HERC1: variants seen among roughly 807,000 people sequenced by gnomAD.
HERC1 encodes probable E3 ubiquitin-protein ligase HERC1.
Under a neutral mutation model 554.3 loss-of-function variants are expected in HERC1, and 160 were observed. That is an observed-to-expected ratio of 0.29 (90% CI 0.25 to 0.33). The LOEUF is 0.33. Among genes scored for constraint, HERC1 ranks in the 10% least tolerant of loss-of-function variants. The pLI is 1.00. For synonymous variants in HERC1, 2,175 were observed against 2,131.7 expected, an observed-to-expected ratio of 1.02 and a Z score of -0.56; for missense variants, 4,919 against 5,918.5, an observed-to-expected ratio of 0.83 and a Z score of 5.54.
intron 14 of HERC1, among the ~76,000 whole-genome samples, chr15:63,732,145 T>C (rs2074323214): frequency 1.3e-5 from 2 of 152,074 alleles, no homozygotes; most frequent in Non-Finnish European, 2.9e-5. Flanking sequence ...GGACTATAGA[T>C]GCCAGCCGCC....
intron 2 of HERC1, among the ~76,000 whole-genome samples, chr15:63,769,359 G>A (rs2075880823): frequency 6.6e-6 from 1 of 152,276 alleles, no homozygotes; most frequent in Admixed American, 6.5e-5. Context: ...GGCGGGAGCT[G>A]CAGTGAGACG....
chr15:63,725,727 G>A lies in HERC1; in HGVS notation c.3347-214C>T, dbSNP rs571054552. On this transcript the variant is annotated intron_variant, in intron 17 of 77. Coordinates refer to ENST00000443617, the MANE Select transcript of HERC1 (RefSeq NM_003922.4). ...TATGCTATCAAATAAAATTTTCCTTGGAAAAGTTACTAATTTTAAGATAAA... is the reference window on the plus strand; with the variant it reads ...TATGCTATCAAATAAAATTTTCCTTAGAAAAGTTACTAATTTTAAGATAAA... Among the ~76,000 whole-genome samples the A allele has an allele frequency of 7.2e-5, 11 of 152,010 alleles. No individual in the cohort carries two copies. The South Asian group carries it at 1.5e-3, about 20-fold the overall frequency.
At position 63,756,899 on chromosome 15, in the gene HERC1, G is replaced by T. The variant is rs1376423764; in HGVS notation, c.1222-151C>A. Among the ~76,000 whole-genome samples, 1 of 152,202 alleles carries T rather than the reference G, an allele frequency of 6.6e-6. No individual in the cohort carries two copies. The highest frequency in any genetic ancestry group is 2.4e-5 in the African/African-American group (1 of 41,448). ...GATTAAGGAATATACAGAAATCTAA[G>T]AGAACACGAATGGCCTTTTCATGCT... On this transcript the variant is annotated intron_variant, in intron 4 of 77. Coordinates refer to ENST00000443617, the MANE Select transcript of HERC1 (RefSeq NM_003922.4). The surrounding 1 kb of genome is among the most constrained non-coding windows in gnomAD (Gnocchi z 5.0).
intron 42 of HERC1, 116 bp from the exon 43 acceptor site, chr15:63,664,710 A>G (rs1360460835): frequency 1.7e-5 from 15 of 897,866 alleles, no homozygotes; most frequent in Non-Finnish European, 2.1e-5. Flanking sequence ...AAATATGTTT[A>G]TGATAAAATT....
At chr15:63,795,078 A>AG (rs2076772245) in intron 1 of HERC1, among the ~76,000 whole-genome samples, 1 of 151,132 alleles carries the variant, frequency 6.6e-6, no homozygotes, top group East Asian at 1.9e-4. Context: ...AAAAAAAAAA[A>AG]AAAAAAAAAG....
At chr15:63,759,817 T>C (rs7167066) in intron 3 of HERC1, among the ~76,000 whole-genome samples, 34,444 of 152,194 alleles carry the variant, frequency 0.23, 4,862 homozygotes, top group Middle Eastern at 0.35. Context: ...TGGGAGAGGA[T>C]AGGGTCATCT....
intron 25 of HERC1, among the ~76,000 whole-genome samples, chr15:63,702,172 G>C (rs967350087): frequency 6.6e-6 from 1 of 151,958 alleles, no homozygotes; most frequent in South Asian, 2.1e-4. Flanking sequence ...TCTTTTTTCT[G>C]GGGCTCAACT....
intron 25 of HERC1, among the ~76,000 whole-genome samples, chr15:63,704,334 T>C (rs1012027005): frequency 1.2e-4 from 19 of 152,238 alleles, no homozygotes; most frequent in Non-Finnish European, 2.4e-4. Flanking sequence ...AAAGATATTA[T>C]TTTGTACATG....
At chr15:63,655,977 C>G (rs1192831083) in intron 49 of HERC1, 22 bp from the exon 50 acceptor site, 3 of 1,600,446 alleles carry the variant, frequency 1.9e-6, no homozygotes, top group East Asian at 2.2e-5. Flanking sequence ...ATTGGAAAAA[C>G]AGACTTAATT....
Position 63,661,042 on chromosome 15 carries a change from G to T in HERC1, c.9171-17C>A, listed in dbSNP as rs761736129. ...CCCTTGTACCTGCACCAAACATGAA[G>T]AACATTGCATTTTTATATAAAACAG... On this transcript the variant is annotated splice_polypyrimidine_tract_variant and intron_variant, in intron 45 of 77. Coordinates refer to ENST00000443617, the MANE Select transcript of HERC1 (RefSeq NM_003922.4). The T allele has an allele frequency of 1.9e-6, 3 of 1,599,848 alleles. No homozygotes were observed. The highest frequency in any genetic ancestry group is 2.2e-5 in the South Asian group (2 of 90,584).
chr15:63,623,601 A>T (rs2068178905), intron 73 of HERC1, 124 bp downstream of exon 73: 1 of 919,384 alleles, frequency 1.1e-6, no homozygotes, highest in Non-Finnish European at 1.7e-6. Flanking sequence ...ATCACTTTAT[A>T]TGAGGCTCAC....
intron 25 of HERC1, among the ~76,000 whole-genome samples, chr15:63,704,980 C>T (rs565547731): frequency 3.3e-5 from 5 of 152,016 alleles, no homozygotes; most frequent in Admixed American, 2.0e-4. Context: ...CCTCGTGATC[C>T]GCCCACCTCA....
At chr15:63,833,528 G>A (rs1276933599) in intron 1 of HERC1, among the ~76,000 whole-genome samples, 1 of 151,990 alleles carries the variant, frequency 6.6e-6, no homozygotes, top group Non-Finnish European at 1.5e-5. Flanking sequence ...CTGGAGGGGC[G>A]GGTCTCTCGG....
intron 1 of HERC1, among the ~76,000 whole-genome samples, chr15:63,798,401 T>C (rs1314199979): frequency 1.3e-5 from 2 of 152,192 alleles, no homozygotes; most frequent in Admixed American, 1.3e-4. Flanking sequence ...AATTTTCTTC[T>C]ACCCTCTCCC....
chr15:63,760,110 GA>G (rs11290825), intron 3 of HERC1, among the ~76,000 whole-genome samples: 123,060 of 151,446 alleles, frequency 0.81, 51,796 homozygotes, highest in Non-Finnish European at 0.87. Flanking sequence ...ACTGGGGGCA[GA>G]AAAAAAAATT....
At chr15:63,659,958 G>A in intron 46 of HERC1, 22 bp from the exon 47 acceptor site, 1 of 1,508,024 alleles carries the variant, frequency 6.6e-7, no homozygotes, top group Non-Finnish European at 9.1e-7. Context: ...ATAAATAAAT[G>A]TATAGTATGT....
intron 1 of HERC1, among the ~76,000 whole-genome samples, chr15:63,786,775 G>T (rs1310993133): frequency 6.6e-6 from 1 of 152,152 alleles, no homozygotes; most frequent in East Asian, 1.9e-4. Flanking sequence ...GGAGAAACTG[G>T]TAAGATTTTA....
intron 60 of HERC1, 40 bp from the exon 61 acceptor site, chr15:63,640,485 G>A (rs765933407): frequency 6.6e-7 from 1 of 1,512,470 alleles, no homozygotes; most frequent in Non-Finnish European, 9.1e-7. Context: ...CAAAGAGTTT[G>A]TGCCAAATAT....
intron 2 of HERC1, among the ~76,000 whole-genome samples, chr15:63,766,071 C>T (rs1185554185): frequency 6.6e-6 from 1 of 152,012 alleles, no homozygotes; most frequent in African/African-American, 2.4e-5. Context: ...CTCACTATAG[C>T]CTCAACCTCC....
Sources: gnomAD v4.1 joint callset for allele counts (sites outside exome capture counted in the v4.1 genomes callset) on GRCh38, gnomAD v4.1.1 for gene constraint, Gnocchi (gnomAD v3.1) non-coding constraint, MANE v1.5 for transcripts, NCBI Gene and HGNC (gene_info 2026-07-23, HGNC 2026-07-21) for gene names.